The following SPAG16 variants were observed in gnomAD, a reference collection of about 807,000 sequenced individuals.
SPAG16 encodes sperm associated antigen 16.
Under a neutral mutation model 80.4 loss-of-function variants are expected in SPAG16, and 86 were observed. The observed-to-expected ratio is 1.07, with a 90% confidence interval of 0.90 to 1.28. The LOEUF (loss-of-function observed/expected upper bound fraction) is 1.28. Ranked by LOEUF, SPAG16 falls within the 50% of genes most tolerant of loss-of-function variation. The pLI, the probability that SPAG16 is intolerant of heterozygous loss-of-function variation, is 0.00. For missense variants in SPAG16, 870 were observed against 765.3 expected (o/e 1.14, Z -1.61); for synonymous variants, 294 against 265.9 (o/e 1.11, Z -1.03).
chr2:213,783,019 G>A (rs1318121543), intron 10 of SPAG16, among the ~76,000 whole-genome samples: 1 of 151,036 alleles, frequency 6.6e-6, no homozygotes, highest in Non-Finnish European at 1.5e-5. Flanking sequence ...CTAGCATTAG[G>A]TATATCTCCC....
At chr2:213,449,168 C>A (rs1465475911) in intron 9 of SPAG16, among the ~76,000 whole-genome samples, 1 of 152,136 alleles carries the variant, frequency 6.6e-6, no homozygotes, top group African/African-American at 2.4e-5. Flanking sequence ...TGGTCTCCTG[C>A]AGAACCCTCA....
At chr2:213,402,425 T>A (rs534711589) in intron 9 of SPAG16, among the ~76,000 whole-genome samples, 14 of 152,242 alleles carry the variant, frequency 9.2e-5, no homozygotes, top group South Asian at 2.1e-4. Context: ...TAGTTTTTTT[T>A]AAATTTTATT....
chr2:214,060,386 C>T (rs1193155717), intron 13 of SPAG16, among the ~76,000 whole-genome samples: 1 of 151,878 alleles, frequency 6.6e-6, no homozygotes, highest in Non-Finnish European at 1.5e-5. Context: ...TCTCTAAAAC[C>T]TAAAGGATAA....
chr2:213,462,699 C>T (rs1023479327), intron 9 of SPAG16, among the ~76,000 whole-genome samples: 10 of 152,192 alleles, frequency 6.6e-5, no homozygotes, highest in Admixed American at 5.2e-4. Flanking sequence ...GCCTGTTTCT[C>T]CTTTGCCTTC....
intron 10 of SPAG16, among the ~76,000 whole-genome samples, chr2:213,755,917 A>G (rs1490852487): frequency 6.6e-6 from 1 of 152,224 alleles, no homozygotes; most frequent in East Asian, 1.9e-4. Flanking sequence ...GAATATTTGC[A>G]GTCCCTGTGG....
At chr2:214,274,449 A>C (rs139617876) in intron 15 of SPAG16, among the ~76,000 whole-genome samples, 2 of 152,100 alleles carry the variant, frequency 1.3e-5, no homozygotes, top group African/African-American at 4.8e-5. Flanking sequence ...AATAGCTCTT[A>C]CTATTTTGAG....
intron 3 of SPAG16, among the ~76,000 whole-genome samples, chr2:213,306,673 C>T (rs1055713696): frequency 6.6e-6 from 1 of 151,996 alleles, no homozygotes; most frequent in Admixed American, 6.6e-5. Flanking sequence ...GGTTGAAATG[C>T]TCCCTCTGGG....
At chr2:214,017,636 G>A (rs1272469487) in intron 13 of SPAG16, among the ~76,000 whole-genome samples, 1 of 152,082 alleles carries the variant, frequency 6.6e-6, no homozygotes, top group African/African-American at 2.4e-5. Flanking sequence ...CCCTCCCTGA[G>A]GTTCTGAGCT....
intron 15 of SPAG16, among the ~76,000 whole-genome samples, chr2:214,236,931 C>T (rs764998294): frequency 1.7e-4 from 26 of 152,250 alleles, no homozygotes; most frequent in Admixed American, 3.3e-4. Flanking sequence ...GAATCCTCCA[C>T]CTGGCATTAC....
intron 5 of SPAG16, among the ~76,000 whole-genome samples, chr2:213,318,847 A>G (rs755057293): frequency 4.0e-4 from 61 of 151,936 alleles, no homozygotes; most frequent in Non-Finnish European, 7.5e-4. Context: ...AATATATTTT[A>G]TGAAAATAAA....
At chr2:214,390,989 G>A (rs892670324) in intron 15 of SPAG16, among the ~76,000 whole-genome samples, 2 of 152,150 alleles carry the variant, frequency 1.3e-5, no homozygotes, top group African/African-American at 2.4e-5. Flanking sequence ...AAGAGGATTA[G>A]GTATTTGTGA....
intron 15 of SPAG16, among the ~76,000 whole-genome samples, chr2:214,371,170 C>T (rs897296850): frequency 1.3e-5 from 2 of 152,094 alleles, no homozygotes; most frequent in African/African-American, 4.8e-5. Context: ...AGTGAGGTTG[C>T]TCTAATATAT....
chr2:213,490,785 T>A (rs1264136379), intron 10 of SPAG16, among the ~76,000 whole-genome samples: 1 of 152,174 alleles, frequency 6.6e-6, no homozygotes, highest in African/African-American at 2.4e-5. Flanking sequence ...TTTTCTTGCA[T>A]TTGGTCATAG....
intron 13 of SPAG16, among the ~76,000 whole-genome samples, chr2:214,063,904 G>C (rs187411176): frequency 6.6e-6 from 1 of 151,716 alleles, no homozygotes; most frequent in African/African-American, 2.4e-5. Flanking sequence ...AGGAATTTTC[G>C]ACTGTTTTGT....
At chr2:214,197,271 T>G (rs531832168) in intron 15 of SPAG16, among the ~76,000 whole-genome samples, 3 of 152,054 alleles carry the variant, frequency 2.0e-5, no homozygotes, top group Non-Finnish European at 4.4e-5. Flanking sequence ...TCTCAACATG[T>G]AATTTATACA....
chr2:213,735,665 T>C (rs988309894), intron 10 of SPAG16, among the ~76,000 whole-genome samples: 27 of 152,256 alleles, frequency 1.8e-4, no homozygotes, highest in Non-Finnish European at 3.2e-4. Context: ...CTCACCAGAA[T>C]TTAGGTCCAG....
At chr2:213,643,278 A>G (rs967873765) in intron 10 of SPAG16, among the ~76,000 whole-genome samples, 17 of 141,610 alleles carry the variant, frequency 1.2e-4, no homozygotes, top group African/African-American at 3.9e-4. Flanking sequence ...TAAATATGTC[A>G]TGGCACTCCC....
intron 15 of SPAG16, among the ~76,000 whole-genome samples, chr2:214,274,521 T>C (rs1440963301): frequency 6.6e-6 from 1 of 152,220 alleles, no homozygotes; most frequent in Admixed American, 6.5e-5. Flanking sequence ...TTGAATTTTG[T>C]CAAAGGCCTT....
chr2:213,592,333 T>G (rs1320969371), intron 10 of SPAG16, among the ~76,000 whole-genome samples: 1 of 152,220 alleles, frequency 6.6e-6, no homozygotes, highest in Non-Finnish European at 1.5e-5. Context: ...GCTCTAGTGT[T>G]TATTATATCT....
Sources: allele counts gnomAD v4.1 joint callset (sites outside exome capture counted in the v4.1 genomes callset), GRCh38; gene constraint gnomAD v4.1.1; transcripts MANE v1.5; gene names NCBI Gene and HGNC (gene_info 2026-07-23, HGNC 2026-07-21).